CNTN5: variants seen among roughly 807,000 people sequenced by gnomAD.
CNTN5 encodes the protein contactin-5.
Under a neutral mutation model 129.1 loss-of-function variants are expected in CNTN5, and 77 were observed. That is an observed-to-expected ratio of 0.60 (90% CI 0.50 to 0.72). The LOEUF is 0.72. Ranked by LOEUF, CNTN5 falls within the 30% of genes least tolerant of loss-of-function variation. The probability of loss-of-function intolerance (pLI) is 0.00; values close to 1 mark genes in which losing one functional copy is unlikely to be tolerated. For synonymous variants in CNTN5, 509 were observed against 465.6 expected (o/e 1.09, Z -1.20); for missense variants, 1,478 against 1,328.8 (o/e 1.11, Z -1.75).
chr11:99,783,531 T>G (rs1227575093), intron 3 of CNTN5, among the ~76,000 whole-genome samples: 1 of 68,122 alleles, frequency 1.5e-5, no homozygotes, highest in Non-Finnish European at 3.0e-5. Flanking sequence ...GTATGTTTAT[T>G]GTGGCATTAT....
intron 2 of CNTN5, among the ~76,000 whole-genome samples, chr11:99,362,920 G>A (rs949927393): frequency 1.3e-4 from 20 of 151,922 alleles, no homozygotes; most frequent in African/African-American, 4.6e-4. Flanking sequence ...TATTACTGTA[G>A]CCGTGCACTG....
intron 6 of CNTN5, among the ~76,000 whole-genome samples, chr11:99,897,630 A>G (rs1949241759): frequency 6.6e-6 from 1 of 152,192 alleles, no homozygotes; most frequent in Non-Finnish European, 1.5e-5. Context: ...CAGTCCTACA[A>G]GAAATGCTCA....
chr11:99,638,809 C>A (rs1951661006), intron 3 of CNTN5, among the ~76,000 whole-genome samples: 1 of 152,152 alleles, frequency 6.6e-6, no homozygotes, highest in Non-Finnish European at 1.5e-5. Flanking sequence ...AGCCTCCCTC[C>A]CAGCTGCTTT....
intron 7 of CNTN5, among the ~76,000 whole-genome samples, chr11:99,923,965 G>A (rs531013775): frequency 3.9e-5 from 6 of 152,114 alleles, no homozygotes; most frequent in Non-Finnish European, 7.4e-5. Flanking sequence ...CTAATTTTTT[G>A]TGTTTTAGTA....
At chr11:100,296,510 C>T (rs1951103056) in intron 18 of CNTN5, among the ~76,000 whole-genome samples, 1 of 151,404 alleles carries the variant, frequency 6.6e-6, no homozygotes, top group African/African-American at 2.4e-5. Context: ...GCTGCATAAT[C>T]CTATATTGGT....
At chr11:99,772,092 A>G (rs1465687987) in intron 3 of CNTN5, among the ~76,000 whole-genome samples, 1 of 151,316 alleles carries the variant, frequency 6.6e-6, no homozygotes, top group African/African-American at 2.4e-5. Context: ...TTTATCAACA[A>G]TGGAGTGCTC....
At chr11:99,438,431 C>T (rs1013395513) in intron 2 of CNTN5, among the ~76,000 whole-genome samples, 3 of 152,096 alleles carry the variant, frequency 2.0e-5, no homozygotes, top group Admixed American at 1.3e-4. Flanking sequence ...ACCTGGCAGT[C>T]AGACTTCAGA....
chr11:99,620,508 C>CTTTTTTTTTTTTTTTTT (rs71050006), intron 3 of CNTN5, among the ~76,000 whole-genome samples: 1 of 107,024 alleles, frequency 9.3e-6, no homozygotes, highest in African/African-American at 3.1e-5. Flanking sequence ...TTTTTCTTTT[C>CTTTTTTTTTTTTTTTTT]TTTTTTTTTT....
intron 1 of CNTN5, among the ~76,000 whole-genome samples, chr11:99,264,113 A>T (rs906888035): frequency 6.6e-5 from 10 of 151,894 alleles, no homozygotes; most frequent in Non-Finnish European, 1.3e-4. Context: ...TATAATTTTC[A>T]GTTACAAAAT....
intron 18 of CNTN5, among the ~76,000 whole-genome samples, chr11:100,274,281 C>G (rs907656772): frequency 4.6e-5 from 7 of 152,072 alleles, no homozygotes; most frequent in African/African-American, 1.4e-4. Context: ...AGAAAACAAC[C>G]TAGGTAATAC....
chr11:99,321,540 G>T (rs1865569764), intron 1 of CNTN5, among the ~76,000 whole-genome samples: 1 of 151,990 alleles, frequency 6.6e-6, no homozygotes, highest in East Asian at 1.9e-4. Flanking sequence ...TTGATAATAA[G>T]TATGGCCATC....
intron 20 of CNTN5, among the ~76,000 whole-genome samples, chr11:100,304,811 C>T (rs546026268): frequency 6.6e-6 from 1 of 150,808 alleles, no homozygotes; most frequent in South Asian, 2.1e-4. Flanking sequence ...CTCTCTTCTG[C>T]TTGATTTCTT....
intron 13 of CNTN5, among the ~76,000 whole-genome samples, chr11:100,100,473 G>A (rs1355474440): frequency 6.6e-6 from 1 of 151,986 alleles, no homozygotes; most frequent in East Asian, 1.9e-4. Flanking sequence ...ATTTACCATA[G>A]AACCCATTCT....
intron 3 of CNTN5, among the ~76,000 whole-genome samples, chr11:99,788,353 T>C (rs1197316536): frequency 6.6e-6 from 1 of 151,928 alleles, no homozygotes; most frequent in African/African-American, 2.4e-5. Flanking sequence ...TTAAAAACTG[T>C]CTTGGGCAAT....
intron 2 of CNTN5, among the ~76,000 whole-genome samples, chr11:99,344,148 G>A (rs931541068): frequency 2.4e-4 from 37 of 152,254 alleles, no homozygotes; most frequent in African/African-American, 7.9e-4. Context: ...TCTATGGCAC[G>A]AGGAAGCTTT....
intron 13 of CNTN5, among the ~76,000 whole-genome samples, chr11:100,138,003 T>C (rs1179039327): frequency 6.6e-6 from 1 of 151,846 alleles, no homozygotes; most frequent in African/African-American, 2.4e-5. Flanking sequence ...ACTTGAGAGA[T>C]ATTGGAAAGA....
chr11:99,421,847 A>C (rs1017379608), intron 2 of CNTN5, among the ~76,000 whole-genome samples: 1 of 152,066 alleles, frequency 6.6e-6, no homozygotes, highest in Non-Finnish European at 1.5e-5. Context: ...TATGGCTTTT[A>C]CTAGGAAAAA....
chr11:99,756,259 G>A (rs1474419895), intron 3 of CNTN5, among the ~76,000 whole-genome samples: 2 of 152,022 alleles, frequency 1.3e-5, no homozygotes, highest in Non-Finnish European at 2.9e-5. Flanking sequence ...AATAAAGATT[G>A]GAAGAAAAGT....
intron 1 of CNTN5, among the ~76,000 whole-genome samples, chr11:99,157,427 G>A (rs1860389294): frequency 6.6e-6 from 1 of 151,956 alleles, no homozygotes; most frequent in Non-Finnish European, 1.5e-5. Context: ...TTTTATTAGT[G>A]TAAATCACTG....
Sources: allele counts gnomAD v4.1 joint callset (sites outside exome capture counted in the v4.1 genomes callset), GRCh38; gene constraint gnomAD v4.1.1; transcripts MANE v1.5; gene names NCBI Gene and HGNC (gene_info 2026-07-23, HGNC 2026-07-21).